Variants in RIT2 observed in about 807,000 individuals in gnomAD.
RIT2 encodes Ras like without CAAX 2, also known as GTP-binding protein Rit2.
A neutral mutation model predicts 23.7 loss-of-function variants in RIT2; 24 were observed. The ratio of observed to expected loss-of-function variants is 1.01; its 90% CI spans 0.73 to 1.43. The LOEUF (loss-of-function observed/expected upper bound fraction) is 1.43, where lower values mean the gene tolerates loss of function less well. Ranked by LOEUF, RIT2 falls within the 40% of genes most tolerant of loss-of-function variation. The pLI is 0.00. For missense variants in RIT2, 236 were observed against 266.9 expected (o/e 0.88, Z 0.81); for synonymous variants, 107 against 91.1 (o/e 1.17, Z -0.99).
chr18:43,037,248 A>G (rs1379233425), intron 1 of RIT2, among the ~76,000 whole-genome samples: 1 of 152,230 alleles, frequency 6.6e-6, no homozygotes. Context: ...AAATACCAGC[A>G]TAAGTCATAA....
At chr18:43,006,270 C>T (rs1342008500) in intron 2 of RIT2, among the ~76,000 whole-genome samples, 1 of 150,776 alleles carries the variant, frequency 6.6e-6, no homozygotes, top group African/African-American at 2.4e-5. Flanking sequence ...AAGTTAAAGC[C>T]ATCTTTTGTA....
intron 4 of RIT2, among the ~76,000 whole-genome samples, chr18:42,758,312 T>G (rs1237903059): frequency 1.3e-5 from 2 of 152,150 alleles, no homozygotes; most frequent in African/African-American, 4.8e-5. Flanking sequence ...CAATCTGTAT[T>G]CCATTTCACC....
At chr18:43,096,328 C>T (rs1459618037) in intron 1 of RIT2, among the ~76,000 whole-genome samples, 1 of 151,772 alleles carries the variant, frequency 6.6e-6, no homozygotes, top group Non-Finnish European at 1.5e-5. Flanking sequence ...TGGAAACTAT[C>T]GTCTTCCTTG....
chr18:43,048,629 T>C (rs192359221), intron 1 of RIT2, among the ~76,000 whole-genome samples: 1 of 152,314 alleles, frequency 6.6e-6, no homozygotes, highest in Admixed American at 6.5e-5. Flanking sequence ...TCGTAAGTTC[T>C]TGATAAACAT....
chr18:42,828,121 A>G (rs532922804), intron 4 of RIT2, among the ~76,000 whole-genome samples: 57 of 152,250 alleles, frequency 3.7e-4, no homozygotes, highest in African/African-American at 9.9e-4. Context: ...GTAAGTGCTG[A>G]CAAGGATATG....
Position 43,033,874 on chromosome 18 carries a change from G to T in RIT2, c.104-7C>A, listed in dbSNP as rs1453585700. The T allele has an allele frequency of 3.0e-5, 47 of 1,584,062 alleles. No individual in the cohort carries two copies. The Admixed American group carries it at 8.0e-4, about 27-fold the overall frequency. ...ATAAACTGCATTGTCATTGCTGAAA[G>T]AAAAAAAACACATTTTGTTTAATAA... On this transcript the variant is annotated splice_region_variant and splice_polypyrimidine_tract_variant and intron_variant, in intron 1 of 4. Coordinates refer to ENST00000326695, the MANE Select transcript of RIT2 (RefSeq NM_002930.4).
intron 2 of RIT2, among the ~76,000 whole-genome samples, chr18:42,999,075 TC>T (rs1911049598): frequency 6.6e-6 from 1 of 152,050 alleles, no homozygotes; most frequent in African/African-American, 2.4e-5. Flanking sequence ...TCAGTGTTTC[TC>T]CCTACCCCTT....
intron 2 of RIT2, among the ~76,000 whole-genome samples, chr18:42,988,769 T>A (rs1416748446): frequency 6.6e-6 from 1 of 152,036 alleles, no homozygotes; most frequent in Non-Finnish European, 1.5e-5. Context: ...GCAGGAATGA[T>A]AAAAGGGAAA....
chr18:43,018,628 T>A (rs1004456574), intron 2 of RIT2, among the ~76,000 whole-genome samples: 1 of 151,786 alleles, frequency 6.6e-6, no homozygotes, highest in Non-Finnish European at 1.5e-5. Context: ...ATATTTAAAG[T>A]GCTGAAAGAA....
At chr18:43,070,132 TG>T (rs1912865019) in intron 1 of RIT2, among the ~76,000 whole-genome samples, 1 of 151,504 alleles carries the variant, frequency 6.6e-6, no homozygotes, top group South Asian at 2.1e-4. Context: ...AAAATAAGAG[TG>T]GGGGGACTTA....
intron 4 of RIT2, among the ~76,000 whole-genome samples, chr18:42,883,223 C>T (rs558195847): frequency 6.6e-6 from 1 of 152,050 alleles, no homozygotes; most frequent in African/African-American, 2.4e-5. Context: ...ATTCTAAATG[C>T]TGCACAAAAC....
chr18:43,066,149 A>C (rs1912765964), intron 1 of RIT2, among the ~76,000 whole-genome samples: 1 of 152,180 alleles, frequency 6.6e-6, no homozygotes, highest in Admixed American at 6.6e-5. Context: ...TTAAAAGTTG[A>C]GTTCTATCTA....
At chr18:42,776,437 C>A (rs78927568) in intron 4 of RIT2, among the ~76,000 whole-genome samples, 11 of 152,054 alleles carry the variant, frequency 7.2e-5, no homozygotes, top group African/African-American at 2.2e-4. Context: ...TAATTTTTAA[C>A]CTTCACTGAG....
chr18:42,803,768 A>G, intron 4 of RIT2, among the ~76,000 whole-genome samples: 1 of 152,346 alleles, frequency 6.6e-6, no homozygotes, highest in Admixed American at 6.5e-5. Flanking sequence ...CATTTTGCAA[A>G]CAACATTGCT....
chr18:43,101,248 A>G (rs981284737), intron 1 of RIT2, among the ~76,000 whole-genome samples: 4 of 152,138 alleles, frequency 2.6e-5, no homozygotes, highest in African/African-American at 9.7e-5. Flanking sequence ...TGATCAAGTT[A>G]CATATTTCTT....
intron 4 of RIT2, among the ~76,000 whole-genome samples, chr18:42,858,159 C>T (rs928848943): frequency 3.9e-5 from 6 of 152,056 alleles, no homozygotes; most frequent in South Asian, 2.1e-4. Flanking sequence ...CCAGCCAGAG[C>T]GAAAGAATGA....
chr18:42,893,875 T>TA (rs1342447553), intron 4 of RIT2, among the ~76,000 whole-genome samples: 5 of 152,166 alleles, frequency 3.3e-5, no homozygotes, highest in African/African-American at 4.8e-5. Context: ...TCATTTTTTT[T>TA]AAAAAAGTGG....
chr18:43,011,457 G>A (rs1178955016), intron 2 of RIT2, among the ~76,000 whole-genome samples: 1 of 151,642 alleles, frequency 6.6e-6, no homozygotes, highest in Non-Finnish European at 1.5e-5. Context: ...TTTGGGCATG[G>A]ATTGCACAGT....
At chr18:42,746,693 A>C (rs1427345064) in intron 4 of RIT2, among the ~76,000 whole-genome samples, 2 of 152,108 alleles carry the variant, frequency 1.3e-5, no homozygotes, top group Non-Finnish European at 2.9e-5. Context: ...ACACTAGTAC[A>C]CAAGAGACAG....
Sources: gnomAD v4.1 joint callset for allele counts (sites outside exome capture counted in the v4.1 genomes callset) on GRCh38, gnomAD v4.1.1 for gene constraint, MANE v1.5 for transcripts, NCBI Gene and HGNC (gene_info 2026-07-23, HGNC 2026-07-21) for gene names.